The following MSI2 variants were observed in gnomAD, a reference collection of about 807,000 sequenced individuals.
MSI2 encodes the protein musashi RNA binding protein 2.
A neutral mutation model predicts 45.6 loss-of-function variants in MSI2; 17 were observed. That is an observed-to-expected ratio of 0.37 (90% CI 0.26 to 0.56). The LOEUF (loss-of-function observed/expected upper bound fraction) is 0.56, where lower values mean the gene tolerates loss of function less well. Among genes scored for constraint, MSI2 ranks in the 20% least tolerant of loss-of-function variants. The pLI is 0.77. For missense variants in MSI2, 293 were observed against 444.2 expected, an observed-to-expected ratio of 0.66 and a Z score of 3.06; for synonymous variants, 156 against 158.2, an observed-to-expected ratio of 0.99 and a Z score of 0.11.
chr17:57,568,510 C>A (rs2087793268), intron 7 of MSI2, among the ~76,000 whole-genome samples: 1 of 152,198 alleles, frequency 6.6e-6, no homozygotes, highest in African/African-American at 2.4e-5. Context: ...GGTCGACCCC[C>A]AAAGGGCCTC....
chr17:57,257,219 C>G (rs1236090191), intron 2 of MSI2, 81 bp downstream of exon 2: 2 of 247,532 alleles, frequency 8.1e-6, no homozygotes, highest in South Asian at 4.4e-5. Flanking sequence ...TGTAGGAGCC[C>G]CCCCCCCCCC....
Position 57,280,259 on chromosome 17 carries a change from G to T in MSI2, c.312+18067G>T, listed in dbSNP as rs905214122. ...GAAGCCATCCATTTAAAAGTTTAAG[G>T]GATGGGATGGGAAATGATCAGGTTT... On this transcript the variant is annotated intron_variant, in intron 5 of 13. Coordinates refer to ENST00000284073, the MANE Select transcript of MSI2 (RefSeq NM_138962.4). The surrounding 1 kb of genome is among the most constrained non-coding windows in gnomAD (Gnocchi z 4.2). Among the ~76,000 whole-genome samples the T allele has an allele frequency of 7.2e-5, 11 of 152,172 alleles. No homozygotes were observed. Among genetic ancestry groups the T allele is most frequent in the African/African-American group, 2.7e-4 (11 of 41,418 alleles).
intron 5 of MSI2, among the ~76,000 whole-genome samples, chr17:57,339,661 T>A (rs1914969672): frequency 6.6e-6 from 1 of 152,120 alleles, no homozygotes. Flanking sequence ...CTTTGGGACA[T>A]TTTCTCTCCA....
intron 7 of MSI2, among the ~76,000 whole-genome samples, chr17:57,575,625 C>T (rs944151461): frequency 1.2e-4 from 18 of 152,180 alleles, no homozygotes; most frequent in African/African-American, 4.3e-4. Flanking sequence ...GCAGATTCCA[C>T]TCCCCCTGGC....
At chr17:57,554,273 T>C (rs2087378688) in intron 7 of MSI2, among the ~76,000 whole-genome samples, 1 of 152,104 alleles carries the variant, frequency 6.6e-6, no homozygotes, top group African/African-American at 2.4e-5. Context: ...CAGAGAGTCT[T>C]GGCAAGGTAA....
chr17:57,502,636 T>TATATATATATAGAGAGAGAGAGAG, intron 6 of MSI2, among the ~76,000 whole-genome samples: 2 of 96,904 alleles, frequency 2.1e-5, no homozygotes, highest in Non-Finnish European at 4.3e-5. Context: ...TATATATATA[T>TATATATATATAGAGAGAGAGAGAG]AGTCATCATT....
intron 8 of MSI2, among the ~76,000 whole-genome samples, chr17:57,606,823 T>C (rs996261888): frequency 4.0e-5 from 6 of 151,146 alleles, no homozygotes; most frequent in Non-Finnish European, 7.4e-5. Flanking sequence ...GGAAAGGCTT[T>C]GTGAACTAGA....
In MSI2 at chr17:57,459,500, C is replaced by T. The variant is rs113292655; in HGVS notation, c.405+58029C>T. Among the ~76,000 whole-genome samples, 19 of 152,300 alleles carry T rather than the reference C, an allele frequency of 1.2e-4. 2 individuals carry two copies. The highest frequency in any genetic ancestry group is 4.3e-4 in the African/African-American group (18 of 41,570). On this transcript the variant is annotated intron_variant, in intron 6 of 13. Coordinates refer to ENST00000284073, the MANE Select transcript of MSI2 (RefSeq NM_138962.4). ...CCTCTGGCTCCAGGTCCATAAATGTCCCGAGGTTCCCAGGAAAAGGAAGAC... is the reference window on the plus strand; with the variant it reads ...CCTCTGGCTCCAGGTCCATAAATGTTCCGAGGTTCCCAGGAAAAGGAAGAC...
At chr17:57,428,839 T>C (rs2143361710) in intron 6 of MSI2, among the ~76,000 whole-genome samples, 1 of 152,266 alleles carries the variant, frequency 6.6e-6, no homozygotes, top group African/African-American at 2.4e-5. Flanking sequence ...ACACACCCAG[T>C]TCTTTCAGTT....
chr17:57,563,746 GCACACACACACACACACA>G (rs61342598), intron 7 of MSI2, among the ~76,000 whole-genome samples: 4 of 139,292 alleles, frequency 2.9e-5, no homozygotes, highest in Admixed American at 2.2e-4. Context: ...ACACAGGCGC[GCACACACACACACACACA>G]CACACACACA....
chr17:57,269,946 A>G (rs1908200939), intron 5 of MSI2, among the ~76,000 whole-genome samples: 1 of 152,114 alleles, frequency 6.6e-6, no homozygotes, highest in African/African-American at 2.4e-5. Context: ...ACCCTGTGGT[A>G]TGTTGTAGCA....
Position 57,529,687 on chromosome 17 carries a change from A to G in MSI2, c.417A>G (p.Ala139=). Reference sequence around the variant, plus strand: ...TATTTGTTTTGCAGGTGGAAGATGCAATGCTGATGTTTGATAAAACTACCA... The same window carrying G: ...TATTTGTTTTGCAGGTGGAAGATGCGATGCTGATGTTTGATAAAACTACCA... ...YFEQFGKVED[A]MLMFDKTTNR... The change falls in exon 7 of 14, where the codon GCA becomes GCG. Residue 139 remains alanine (A), a synonymous_variant. Coordinates refer to ENST00000284073, the MANE Select transcript of MSI2 (RefSeq NM_138962.4). This position sits in a 1 kb window ranked among gnomAD's most constrained non-coding sequence, Gnocchi z 5.3. The G allele has an allele frequency of 6.2e-7, 1 of 1,613,128 alleles. No individual in the cohort carries two copies. Among genetic ancestry groups the G allele is most frequent in the East Asian group, 2.2e-5 (1 of 44,862 alleles).
At chr17:57,298,670 G>C (rs898135614) in intron 5 of MSI2, among the ~76,000 whole-genome samples, 2 of 152,126 alleles carry the variant, frequency 1.3e-5, no homozygotes, top group African/African-American at 2.4e-5. Flanking sequence ...CAAAAAAAAA[G>C]AGATGTGCTA....
At chr17:57,678,696 G>A (rs1278660608) in intron 13 of MSI2, among the ~76,000 whole-genome samples, 2 of 152,294 alleles carry the variant, frequency 1.3e-5, no homozygotes, top group African/African-American at 4.8e-5. Flanking sequence ...ATGGGATGGG[G>A]GAGGCTGCTA....
At chr17:57,636,172 G>A (rs1007577289) in intron 10 of MSI2, among the ~76,000 whole-genome samples, 1 of 152,128 alleles carries the variant, frequency 6.6e-6, no homozygotes, top group Non-Finnish European at 1.5e-5. Flanking sequence ...TTAGCCTGAG[G>A]GGTAGGGCTT....
intron 5 of MSI2, among the ~76,000 whole-genome samples, chr17:57,341,475 TG>T (rs1915154023): frequency 6.6e-6 from 1 of 152,230 alleles, no homozygotes; most frequent in Admixed American, 6.5e-5. Context: ...GCCGCCTGGC[TG>T]GGGACCCTGT....
intron 11 of MSI2, among the ~76,000 whole-genome samples, chr17:57,667,857 T>G (rs1216677052): frequency 6.6e-6 from 1 of 152,144 alleles, no homozygotes; most frequent in Non-Finnish European, 1.5e-5. Context: ...AGCCTGGCCT[T>G]GGGGCTTGAG....
At chr17:57,589,885 C>T (rs996440793) in intron 7 of MSI2, among the ~76,000 whole-genome samples, 1 of 152,184 alleles carries the variant, frequency 6.6e-6, no homozygotes, top group African/African-American at 2.4e-5. Flanking sequence ...CCCTGCCTCT[C>T]GCAGAGTTGC....
chr17:57,468,774 A>G (rs1316812200), intron 6 of MSI2, among the ~76,000 whole-genome samples: 1 of 152,092 alleles, frequency 6.6e-6, no homozygotes, highest in African/African-American at 2.4e-5. Context: ...CTTGGGCCTC[A>G]TCCGGGCATC....
Sources: gnomAD v4.1 joint callset for allele counts (sites outside exome capture counted in the v4.1 genomes callset) on GRCh38, gnomAD v4.1.1 for gene constraint, Gnocchi (gnomAD v3.1) non-coding constraint, MANE v1.5 for transcripts, NCBI Gene and HGNC (gene_info 2026-07-23, HGNC 2026-07-21) for gene names.